SCNN1G: variants seen among roughly 807,000 people sequenced by gnomAD.
SCNN1G encodes the protein epithelial sodium channel subunit gamma.
A neutral mutation model predicts 64.6 loss-of-function variants in SCNN1G; 27 were observed. The ratio of observed to expected loss-of-function variants is 0.42; its 90% CI spans 0.31 to 0.58. SCNN1G has a LOEUF of 0.58. Ranked by LOEUF, SCNN1G falls within the 20% of genes least tolerant of loss-of-function variation. The pLI, the probability that SCNN1G is intolerant of heterozygous loss-of-function variation, is 0.18. For missense variants in SCNN1G, 743 were observed against 823.4 expected (o/e 0.90, Z 1.19); for synonymous variants, 330 against 314.2 (o/e 1.05, Z -0.53).
intron 6 of SCNN1G, among the ~76,000 whole-genome samples, chr16:23,198,575 G>T (rs1252344331): frequency 1.4e-5 from 2 of 146,662 alleles, no homozygotes; most frequent in Admixed American, 1.4e-4. Flanking sequence ...TACCAAAAAC[G>T]AAATACAAAA....
chr16:23,207,908 AG>A (rs777224857), intron 6 of SCNN1G, among the ~76,000 whole-genome samples: 6 of 152,170 alleles, frequency 3.9e-5, no homozygotes, highest in Non-Finnish European at 8.8e-5. Flanking sequence ...TTCTTCAAAG[AG>A]AAAATAATTT....
intron 6 of SCNN1G, among the ~76,000 whole-genome samples, chr16:23,206,736 C>T (rs889920949): frequency 1.3e-5 from 2 of 152,138 alleles, no homozygotes; most frequent in African/African-American, 4.8e-5. Flanking sequence ...CACATATACC[C>T]CTATACCTAC....
At chr16:23,213,237 G>T in intron 11 of SCNN1G, 74 bp downstream of exon 11, 45 of 889,868 alleles carry the variant, frequency 5.1e-5, no homozygotes, top group Non-Finnish European at 7.9e-5. Context: ...TTCTGTATGT[G>T]TATGGCCAAA....
intron 6 of SCNN1G, among the ~76,000 whole-genome samples, chr16:23,201,187 G>A (rs1959883075): frequency 6.6e-6 from 1 of 152,168 alleles, no homozygotes; most frequent in South Asian, 2.1e-4. Flanking sequence ...GAGCATTTTG[G>A]TCAGACATGT....
intron 6 of SCNN1G, among the ~76,000 whole-genome samples, chr16:23,198,453 G>A (rs148647229): frequency 4.5e-4 from 68 of 152,202 alleles, no homozygotes; most frequent in Non-Finnish European, 7.9e-4. Flanking sequence ...TATTTAGACC[G>A]GGCACAGTGG....
intron 5 of SCNN1G, among the ~76,000 whole-genome samples, 162 bp from the exon 6 acceptor site, chr16:23,197,102 A>G (rs1175039910): frequency 6.6e-6 from 1 of 152,364 alleles, no homozygotes; most frequent in Middle Eastern, 3.4e-3. Flanking sequence ...TCAGGCATGC[A>G]TTCCAATCTC....
In SCNN1G at chr16:23,212,760, T is replaced by C. The variant is rs1960100790; in HGVS notation, c.1373+4T>C. On this transcript the variant is annotated splice_donor_region_variant and intron_variant, in intron 9 of 12. Coordinates refer to ENST00000300061, the MANE Select transcript of SCNN1G (RefSeq NM_001039.4). ...CTGTGTGCAAGGAAGCCTGCAGGTA[T>C]GTGGACCCCAAGGGGTGAGACGGGT... is the stretch of plus-strand genomic sequence containing the variant. 6.2e-7 allele frequency: 1 copy of C among 1,613,928 alleles called. No individual in the cohort carries two copies. The highest frequency in any genetic ancestry group is 1.3e-5 in the African/African-American group (1 of 75,024).
chr16:23,195,494 G>T (rs1959781171), intron 5 of SCNN1G, among the ~76,000 whole-genome samples: 1 of 152,196 alleles, frequency 6.6e-6, no homozygotes, highest in Admixed American at 6.5e-5. Flanking sequence ...GGACAAGGGA[G>T]GGCCTGTCAT....
intron 1 of SCNN1G, among the ~76,000 whole-genome samples, chr16:23,184,752 A>AT (rs1035832587): frequency 1.3e-5 from 2 of 151,774 alleles, no homozygotes; most frequent in African/African-American, 2.4e-5. Flanking sequence ...GGGTGGGAAA[A>AT]AAAGACATAA....
Position 23,216,550 on chromosome 16 carries a change from A to C in SCNN1G, c.*1081A>C, listed in dbSNP as rs1444655297. Reference sequence around the variant, plus strand: ...GTTAGGTACTGTTTTAAGCACCTAGATAGGTTAGCATAGGGGACTGCAAAT... The same window carrying C: ...GTTAGGTACTGTTTTAAGCACCTAGCTAGGTTAGCATAGGGGACTGCAAAT... On this transcript the variant is annotated 3_prime_UTR_variant, in exon 13 of 13. Transcript: ENST00000300061. The C allele has an allele frequency of 6.6e-6, 1 of 152,218 alleles. No individual in the cohort carries two copies. Among genetic ancestry groups the C allele is most frequent in the East Asian group, 1.9e-4 (1 of 5,198 alleles). 9.4% of individuals were successfully genotyped at this position (152,218 alleles called of 1,614,324 possible).
chr16:23,209,724 C>T, intron 6 of SCNN1G, 26 bp from the exon 7 acceptor site: 1 of 1,567,582 alleles, frequency 6.4e-7, no homozygotes, highest in Non-Finnish European at 8.8e-7. Flanking sequence ...GAGGACAGGG[C>T]TGAGTGTGTG....
intron 3 of SCNN1G, among the ~76,000 whole-genome samples, chr16:23,189,993 C>A (rs1165757721): frequency 6.6e-6 from 1 of 151,994 alleles, no homozygotes; most frequent in Non-Finnish European, 1.5e-5. Context: ...TTGCTTGAAC[C>A]CGGGAGGTGG....
intron 3 of SCNN1G, among the ~76,000 whole-genome samples, chr16:23,191,881 A>G (rs1465098249): frequency 1.3e-5 from 2 of 152,222 alleles, no homozygotes; most frequent in Admixed American, 6.5e-5. Context: ...ATGGTGTTTC[A>G]GTCAACATTT....
rs1157319186 is a variant in SCNN1G, at chr16:23,215,576, G to A, written c.*107G>A. 5 of 1,386,360 alleles carry A rather than the reference G, an allele frequency of 3.6e-6. No individual in the cohort carries two copies. The highest frequency in any genetic ancestry group is 4.6e-5 in the East Asian group (2 of 43,812). 85.9% of individuals were successfully genotyped at this position (1,386,360 alleles called of 1,614,324 possible). A position where few individuals can be genotyped will look rare whatever the true frequency, so the allele number is the denominator to read the frequency against. On this transcript the variant is annotated 3_prime_UTR_variant, in exon 13 of 13. Transcript: ENST00000300061. The stretch of plus-strand genomic sequence containing the variant: ...CAGGGGACCCTCTGCCCCACTCTGG[G>A]CTTTTCAGATACTCTGACCAAAAAG...
chr16:23,183,112 C>A (rs1959547853), intron 1 of SCNN1G, among the ~76,000 whole-genome samples: 2 of 152,248 alleles, frequency 1.3e-5, no homozygotes, highest in Non-Finnish European at 2.9e-5. Context: ...GCCTGTTCAG[C>A]CCCCTTCCCT....
rs568612770 is a variant in SCNN1G at position 23,187,305 on chromosome 16, C to T, written c.317+717C>T. ...TTTTATTTTTTAAGAGATGGGGTCT[C>T]GCTATGTTACTCAGGCTGGTCTCAA... On this transcript the variant is annotated intron_variant, in intron 2 of 12. Coordinates refer to ENST00000300061, the MANE Select transcript of SCNN1G (RefSeq NM_001039.4). Among the ~76,000 whole-genome samples, 18 of 151,978 alleles carry T rather than the reference C, an allele frequency of 1.2e-4. 1 individual carries two copies. The South Asian group carries it at 3.5e-3, about 30-fold the overall frequency.
At chr16:23,209,148 G>T (rs1596775578) in intron 6 of SCNN1G, among the ~76,000 whole-genome samples, 1 of 152,018 alleles carries the variant, frequency 6.6e-6, no homozygotes, top group African/African-American at 2.4e-5. Flanking sequence ...CTTTTTTAAA[G>T]ATAGAGTCTC....
At chr16:23,206,050 G>A (rs1331552549) in intron 6 of SCNN1G, among the ~76,000 whole-genome samples, 1 of 152,222 alleles carries the variant, frequency 6.6e-6, no homozygotes, top group Non-Finnish European at 1.5e-5. Flanking sequence ...CAGGATGAAT[G>A]TAGCTGAGCC....
chr16:23,213,263 T>C (rs1034073812), intron 11 of SCNN1G, 100 bp downstream of exon 11: 99 of 826,982 alleles, frequency 1.2e-4, no homozygotes, highest in Middle Eastern at 2.4e-4. Flanking sequence ...TTTTTTTTTT[T>C]TTTTTTTTTT....
Sources: gnomAD v4.1 joint callset for allele counts (sites outside exome capture counted in the v4.1 genomes callset) on GRCh38, gnomAD v4.1.1 for gene constraint, MANE v1.5 for transcripts, NCBI Gene and HGNC (gene_info 2026-07-23, HGNC 2026-07-21) for gene names.